ADAM12: variants seen among roughly 807,000 people sequenced by gnomAD.
The protein encoded by ADAM12 is ADAM metallopeptidase domain 12, also known as disintegrin and metalloproteinase domain-containing protein 12.
ADAM12 carries 70 observed loss-of-function variants against 106.4 expected under a neutral mutation model. The ratio of observed to expected loss-of-function variants is 0.66; its 90% CI spans 0.54 to 0.80. The LOEUF (loss-of-function observed/expected upper bound fraction) is 0.80. ADAM12 is among the 30% of genes least tolerant of loss of function. ADAM12 has a pLI of 0.00. For synonymous variants in ADAM12, 420 were observed against 433.5 expected (o/e 0.97, Z 0.39); for missense variants, 1,010 against 1,171.9 (o/e 0.86, Z 2.02).
chr10:126,125,856 C>T (rs1436098435), intron 5 of ADAM12, among the ~76,000 whole-genome samples: 5 of 151,312 alleles, frequency 3.3e-5, no homozygotes, highest in South Asian at 2.1e-4. Context: ...GACACACAGA[C>T]GTAGGGAAGA....
intron 1 of ADAM12, among the ~76,000 whole-genome samples, chr10:126,376,745 G>C (rs924115945): frequency 2.6e-5 from 4 of 152,152 alleles, no homozygotes; most frequent in African/African-American, 9.7e-5. Flanking sequence ...GCAGAACTTA[G>C]CAAGAAGATT....
chr10:126,338,239 A>AAGTTGT (rs1366857537), intron 1 of ADAM12, among the ~76,000 whole-genome samples: 2 of 147,132 alleles, frequency 1.4e-5, no homozygotes, highest in Admixed American at 7.0e-5. Flanking sequence ...TTACAACAGT[A>AAGTTGT]ACTTACATTT....
At position 126,185,930 on chromosome 10, in the gene ADAM12, G is replaced by A. The variant is rs368439628; in HGVS notation, c.261-30625C>T. On this transcript the variant is annotated intron_variant, in intron 3 of 22. Transcript: ENST00000448723. ...GGAAATGAACTAGATGACCAAAAACGTCACTTGTAATTCCAAAGTTTGATG... is the reference window on the plus strand; with the variant it reads ...GGAAATGAACTAGATGACCAAAAACATCACTTGTAATTCCAAAGTTTGATG... Among the ~76,000 whole-genome samples, 13 of 152,140 alleles carry A rather than the reference G, an allele frequency of 8.5e-5. No homozygotes were observed. The East Asian group carries it at 1.2e-3, about 14-fold the overall frequency.
At chr10:126,327,232 G>T (rs370092730) in intron 2 of ADAM12, among the ~76,000 whole-genome samples, 187 of 152,272 alleles carry the variant, frequency 1.2e-3, no homozygotes, top group African/African-American at 4.4e-3. Context: ...TCTAGGATGC[G>T]GATGTGAGGA....
intron 3 of ADAM12, among the ~76,000 whole-genome samples, chr10:126,220,639 T>C (rs1417082235): frequency 6.6e-6 from 1 of 152,246 alleles, no homozygotes; most frequent in Admixed American, 6.5e-5. Flanking sequence ...TATTTGCATT[T>C]GCTAGACATC....
intron 3 of ADAM12, among the ~76,000 whole-genome samples, chr10:126,237,035 C>G (rs1272927150): frequency 6.6e-6 from 1 of 152,192 alleles, no homozygotes; most frequent in Non-Finnish European, 1.5e-5. Context: ...ATGCTCTCCT[C>G]CCTGCCTGGG....
intron 3 of ADAM12, among the ~76,000 whole-genome samples, chr10:126,178,616 G>GA (rs1313442085): frequency 5.9e-5 from 9 of 151,278 alleles, no homozygotes; most frequent in South Asian, 4.2e-4. Flanking sequence ...GCTTCAGAGA[G>GA]AAAAAAAATC....
At chr10:126,281,691 G>A (rs2133759829) in intron 2 of ADAM12, among the ~76,000 whole-genome samples, 1 of 152,292 alleles carries the variant, frequency 6.6e-6, no homozygotes, top group East Asian at 1.9e-4. Context: ...ACCCATTGGA[G>A]ATGATGAAGT....
At chr10:126,194,116 T>C (rs1260054416) in intron 3 of ADAM12, among the ~76,000 whole-genome samples, 1 of 151,814 alleles carries the variant, frequency 6.6e-6, no homozygotes, top group Non-Finnish European at 1.5e-5. Flanking sequence ...AGGTGCTTAT[T>C]AGGAGAAGAT....
chr10:126,269,648 T>C (rs978055841), intron 3 of ADAM12, among the ~76,000 whole-genome samples: 13 of 152,092 alleles, frequency 8.5e-5, no homozygotes, highest in African/African-American at 2.9e-4. Context: ...AGGACAGCCA[T>C]TACTGTCCTC....
At chr10:126,313,896 C>A (rs1000658319) in intron 2 of ADAM12, among the ~76,000 whole-genome samples, 2 of 151,946 alleles carry the variant, frequency 1.3e-5, no homozygotes, top group African/African-American at 4.8e-5. Context: ...AGCAACCAAG[C>A]GAGTGGGCAT....
chr10:126,347,767 C>A (rs971447917), intron 1 of ADAM12, among the ~76,000 whole-genome samples: 2 of 152,044 alleles, frequency 1.3e-5, no homozygotes, highest in African/African-American at 2.4e-5. Context: ...TTTTAATTAG[C>A]CTGTTTTTCT....
At chr10:126,270,492 G>A (rs1397420722) in intron 3 of ADAM12, among the ~76,000 whole-genome samples, 2 of 152,332 alleles carry the variant, frequency 1.3e-5, no homozygotes, top group African/African-American at 2.4e-5. Flanking sequence ...ACTGTGGCTA[G>A]TTTGAGCAAG....
chr10:126,256,510 G>A (rs901233378), intron 3 of ADAM12, among the ~76,000 whole-genome samples: 37 of 151,788 alleles, frequency 2.4e-4, no homozygotes, highest in African/African-American at 7.3e-4. Context: ...ACCTTGAGCC[G>A]TCGCTGTGTG....
At chr10:126,237,258 T>A (rs750443350) in intron 3 of ADAM12, among the ~76,000 whole-genome samples, 1 of 152,244 alleles carries the variant, frequency 6.6e-6, no homozygotes, top group Non-Finnish European at 1.5e-5. Context: ...GAATCTTTTG[T>A]GTGTTTGTTG....
intron 3 of ADAM12, among the ~76,000 whole-genome samples, chr10:126,192,341 T>G (rs1245094869): frequency 6.6e-6 from 1 of 152,212 alleles, no homozygotes; most frequent in Non-Finnish European, 1.5e-5. Context: ...AAGTTATAGT[T>G]ATTACTAACA....
At chr10:126,025,613 C>T (rs973372318) in intron 21 of ADAM12, among the ~76,000 whole-genome samples, 3 of 152,150 alleles carry the variant, frequency 2.0e-5, no homozygotes, top group Non-Finnish European at 4.4e-5. Context: ...CAGCAAATTG[C>T]AGCAGCCTTA....
At chr10:126,084,397 G>C (rs1383025819) in intron 11 of ADAM12, among the ~76,000 whole-genome samples, 1 of 152,138 alleles carries the variant, frequency 6.6e-6, no homozygotes, top group Non-Finnish European at 1.5e-5. Flanking sequence ...CAGCTTCATT[G>C]CAAGAAATGA....
In ADAM12 at chr10:126,097,005, C is replaced by G. The variant is rs113541131; in HGVS notation, c.996+1411G>C. On this transcript the variant is annotated intron_variant, in intron 10 of 22. Coordinates refer to ENST00000448723, the MANE Select transcript of ADAM12 (RefSeq NM_001288973.2). The stretch of plus-strand genomic sequence containing the variant: ...ATGGAAATGGAATAAGGGACACGAG[C>G]TGAAGAAAGCCGCTTACTCTGGTGA... 2.0e-4 allele frequency among the ~76,000 whole-genome samples: 30 copies of G among 152,180 alleles called. 1 individual carries two copies. The highest frequency in any genetic ancestry group is 7.2e-4 in the African/African-American group (30 of 41,510).
Sources: allele counts gnomAD v4.1 joint callset (sites outside exome capture counted in the v4.1 genomes callset), GRCh38; gene constraint gnomAD v4.1.1; transcripts MANE v1.5; gene names NCBI Gene and HGNC (gene_info 2026-07-23, HGNC 2026-07-21).